PLCB1: variants seen among roughly 807,000 people sequenced by gnomAD.
The protein encoded by PLCB1 is 1-phosphatidylinositol 4,5-bisphosphate phosphodiesterase beta-1.
Under a neutral mutation model 161.8 loss-of-function variants are expected in PLCB1, and 46 were observed. The ratio of observed to expected loss-of-function variants is 0.28; its 90% CI spans 0.22 to 0.36. The LOEUF (loss-of-function observed/expected upper bound fraction) is 0.36. Among genes scored for constraint, PLCB1 ranks in the 10% least tolerant of loss-of-function variants. The pLI is 1.00. For synonymous variants in PLCB1, 517 were observed against 503.7 expected, an observed-to-expected ratio of 1.03 and a Z score of -0.35; for missense variants, 1,016 against 1,472.5, an observed-to-expected ratio of 0.69 and a Z score of 5.07.
chr20:8,631,170 G>C (rs546654724), intron 4 of PLCB1, among the ~76,000 whole-genome samples: 1 of 152,264 alleles, frequency 6.6e-6, no homozygotes, highest in Admixed American at 6.5e-5. Context: ...CAGATTGTTG[G>C]GCCCCAGCCC....
chr20:8,757,824 C>T (rs1478768645), intron 24 of PLCB1, among the ~76,000 whole-genome samples: 1 of 150,630 alleles, frequency 6.6e-6, no homozygotes, highest in Non-Finnish European at 1.5e-5. Flanking sequence ...TATATTACAG[C>T]CAAAGCCACA....
chr20:8,439,583 T>C (rs1206772363), intron 3 of PLCB1, among the ~76,000 whole-genome samples: 2 of 152,200 alleles, frequency 1.3e-5, no homozygotes, highest in Non-Finnish European at 1.5e-5. Flanking sequence ...CTCTTTGAAG[T>C]TGTGTCGTAT....
At chr20:8,618,010 C>T (rs1398769088) in intron 3 of PLCB1, among the ~76,000 whole-genome samples, 1 of 152,110 alleles carries the variant, frequency 6.6e-6, no homozygotes, top group Non-Finnish European at 1.5e-5. Context: ...GAATTCTCTT[C>T]ATATAAAATG....
chr20:8,407,675 A>G (rs1978845984), intron 3 of PLCB1, among the ~76,000 whole-genome samples: 2 of 152,178 alleles, frequency 1.3e-5, no homozygotes, highest in Non-Finnish European at 2.9e-5. Context: ...TGAGAGATAC[A>G]AATCAGGTTG....
intron 3 of PLCB1, among the ~76,000 whole-genome samples, chr20:8,512,493 A>G (rs771554587): frequency 2.0e-5 from 3 of 152,170 alleles, no homozygotes; most frequent in Non-Finnish European, 2.9e-5. Context: ...ACTGTTTTAG[A>G]TTCTTGGAGA....
intron 4 of PLCB1, among the ~76,000 whole-genome samples, chr20:8,645,872 G>A (rs1196428967): frequency 6.6e-6 from 1 of 152,118 alleles, no homozygotes; most frequent in Non-Finnish European, 1.5e-5. Flanking sequence ...TTAAAAAGCA[G>A]AAAAACCTTT....
At chr20:8,392,018 G>A (rs552663893) in intron 3 of PLCB1, among the ~76,000 whole-genome samples, 1 of 151,674 alleles carries the variant, frequency 6.6e-6, no homozygotes, top group East Asian at 1.9e-4. Context: ...TTCAGCTTTA[G>A]GACTCATAAT....
At chr20:8,173,577 T>G (rs1212150766) in intron 2 of PLCB1, among the ~76,000 whole-genome samples, 2 of 151,994 alleles carry the variant, frequency 1.3e-5, no homozygotes, top group East Asian at 1.9e-4. Flanking sequence ...TATACAAAAA[T>G]AAAACGTCCA....
chr20:8,229,218 A>G (rs986021627), intron 2 of PLCB1, among the ~76,000 whole-genome samples: 1 of 152,160 alleles, frequency 6.6e-6, no homozygotes, highest in African/African-American at 2.4e-5. Context: ...CATAATACAC[A>G]TGAATTATTA....
chr20:8,250,742 C>A (rs960352337), intron 2 of PLCB1, among the ~76,000 whole-genome samples: 26 of 151,916 alleles, frequency 1.7e-4, no homozygotes, highest in African/African-American at 6.3e-4. Flanking sequence ...GCTGCCAGGT[C>A]AGGGGGCAAG....
chr20:8,743,908 G>C (rs1981010417), intron 23 of PLCB1, among the ~76,000 whole-genome samples: 1 of 151,780 alleles, frequency 6.6e-6, no homozygotes, highest in Non-Finnish European at 1.5e-5. Context: ...TTTCTCTTTG[G>C]AAATCCACCA....
intron 3 of PLCB1, among the ~76,000 whole-genome samples, chr20:8,623,619 C>T (rs1039546682): frequency 8.5e-5 from 13 of 152,088 alleles, no homozygotes; most frequent in African/African-American, 2.9e-4. Context: ...CATAGTCAGT[C>T]TGTTCTCCTT....
chr20:8,666,798 T>A (rs965786010), intron 9 of PLCB1, among the ~76,000 whole-genome samples: 4 of 152,106 alleles, frequency 2.6e-5, no homozygotes, highest in Non-Finnish European at 5.9e-5. Context: ...TAACAAAGTC[T>A]CGTGAGAAAG....
intron 4 of PLCB1, among the ~76,000 whole-genome samples, chr20:8,637,522 G>A (rs570893430): frequency 6.6e-6 from 1 of 152,082 alleles, no homozygotes; most frequent in African/African-American, 2.4e-5. Flanking sequence ...AAATGAAAAA[G>A]ACTTAATTTT....
intron 10 of PLCB1, among the ~76,000 whole-genome samples, chr20:8,693,624 C>G (rs4319991): frequency 6.6e-6 from 1 of 152,122 alleles, no homozygotes; most frequent in Non-Finnish European, 1.5e-5. Context: ...CATTCTGGAA[C>G]CTTCTTACCC....
At chr20:8,479,746 T>G (rs1478433239) in intron 3 of PLCB1, among the ~76,000 whole-genome samples, 2 of 152,260 alleles carry the variant, frequency 1.3e-5, no homozygotes, top group Non-Finnish European at 2.9e-5. Flanking sequence ...TGTAATGACT[T>G]TACATGTGCT....
chr20:8,691,865 T>G (rs1034452116), intron 10 of PLCB1, among the ~76,000 whole-genome samples: 3 of 152,196 alleles, frequency 2.0e-5, no homozygotes, highest in African/African-American at 7.2e-5. Context: ...GGGGTGATTT[T>G]GGCAGTACCC....
intron 3 of PLCB1, among the ~76,000 whole-genome samples, chr20:8,595,871 ATG>A (rs1220806007): frequency 4.0e-5 from 5 of 124,194 alleles, no homozygotes; most frequent in African/African-American, 8.8e-5. Context: ...GCATTTTTTC[ATG>A]TGTTTTTTGG....
intron 3 of PLCB1, among the ~76,000 whole-genome samples, chr20:8,622,834 G>A (rs1446605706): frequency 6.6e-6 from 1 of 152,104 alleles, no homozygotes; most frequent in Non-Finnish European, 1.5e-5. Context: ...TGCAACCTGG[G>A]AAACTATTAG....
Sources: allele counts gnomAD v4.1 joint callset (sites outside exome capture counted in the v4.1 genomes callset), GRCh38; gene constraint gnomAD v4.1.1; transcripts MANE v1.5; gene names NCBI Gene and HGNC (gene_info 2026-07-23, HGNC 2026-07-21).